EXOC7: variants seen among roughly 807,000 people sequenced by gnomAD.
EXOC7 encodes exocyst complex component Exo70.
EXOC7 carries 51 observed loss-of-function variants against 87.6 expected under a neutral mutation model. That is an observed-to-expected ratio of 0.58 (90% CI 0.46 to 0.73). EXOC7 has a LOEUF of 0.73. Among genes scored for constraint, EXOC7 ranks in the 30% least tolerant of loss-of-function variants. EXOC7 has a pLI of 0.00. For synonymous variants in EXOC7, 327 were observed against 357.1 expected (o/e 0.92, Z 0.95); for missense variants, 744 against 888.4 (o/e 0.84, Z 2.07).
At chr17:76,100,454 C>T (rs2068002658) in intron 4 of EXOC7, among the ~76,000 whole-genome samples, 1 of 151,516 alleles carries the variant, frequency 6.6e-6, no homozygotes, top group Non-Finnish European at 1.5e-5. Flanking sequence ...TGGTGAAATC[C>T]CGTTTCTACT....
Position 76,081,319 on chromosome 17 carries a change from G to A in EXOC7, c.*2329C>T. 2.5e-6 allele frequency: 4 copies of A among 1,614,164 alleles called. No homozygotes were observed. Among genetic ancestry groups the A allele is most frequent in the Non-Finnish European group, 3.4e-6 (4 of 1,180,028 alleles). On this transcript the variant is annotated 3_prime_UTR_variant, in exon 19 of 19. Transcript: ENST00000589210. ...CCAGGCCCACGTGGTGAACGAGATT[G>A]TGAGTGTCAAGAGGGAATACGTAGT...
intron 10 of EXOC7, 139 bp downstream of exon 10, chr17:76,088,325 G>A: frequency 1.0e-6 from 1 of 964,946 alleles, no homozygotes; most frequent in Non-Finnish European, 1.6e-6. Flanking sequence ...GAAGGCACAT[G>A]GGTGCTGACA....
chr17:76,094,378 T>C (rs1238114673), intron 6 of EXOC7, 36 bp downstream of exon 6: 3 of 1,596,382 alleles, frequency 1.9e-6, no homozygotes, highest in South Asian at 1.1e-5. Flanking sequence ...AGTCAGCCTC[T>C]GGCTGTTGCA....
Position 76,089,206 on chromosome 17 carries a change from T to C in EXOC7, c.1016A>G (p.His339Arg). ...QLLADIIPEH[H>R]QKKTFDSLIQ... ...CAGGGAGTCGAAGGTCTTCTTCTGG[T>C]GGTGCTCGGGGATGATGTCGGCCAG... is the stretch of plus-strand genomic sequence containing the variant. The change falls in exon 8 of 19, where the codon CAC becomes CGC. Residue 339 changes from histidine (H) to arginine (R), a missense_variant. Around this residue, in one of 3 missense-constraint regions of EXOC7, gnomAD observed 512 missense variants for 573.0 expected, o/e 0.89. Coordinates refer to ENST00000589210, the MANE Select transcript of EXOC7 (RefSeq NM_001013839.4). The C allele has an allele frequency of 6.2e-7, 1 of 1,613,778 alleles. No individual in the cohort carries two copies. Among genetic ancestry groups the C allele is most frequent in the Non-Finnish European group, 8.5e-7 (1 of 1,179,960 alleles).
chr17:76,098,117 G>T (rs1238521412), intron 4 of EXOC7, 99 bp from the exon 5 acceptor site: 1 of 1,024,648 alleles, frequency 9.8e-7, no homozygotes, highest in East Asian at 2.4e-5. Context: ...TTAACTCAGG[G>T]CCTCTGCCCT....
chr17:76,085,940 T>C (rs2067193431), intron 13 of EXOC7, 140 bp downstream of exon 13: 1 of 1,509,556 alleles, frequency 6.6e-7, no homozygotes, highest in Non-Finnish European at 9.0e-7. Flanking sequence ...GCCTCTGAAC[T>C]AGAGGTCAGG....
rs765075896 is a variant in EXOC7, at chr17:76,082,592, C to T, written c.*1056G>A. 16 of 1,613,458 alleles carry T rather than the reference C, an allele frequency of 9.9e-6. No individual in the cohort carries two copies. The Admixed American group carries it at 1.7e-4, about 17-fold the overall frequency. ...TTTGCAGGAATCTGGATGTGGGCAG[C>T]GTGCAAGTCTGACGCAGCCCCTGGA... On this transcript the variant is annotated 3_prime_UTR_variant, in exon 19 of 19. Transcript: ENST00000589210.
chr17:76,087,628 G>A, intron 12 of EXOC7, 26 bp downstream of exon 12: 1 of 1,548,938 alleles, frequency 6.5e-7, no homozygotes, highest in Non-Finnish European at 8.7e-7. Flanking sequence ...AGTGGGGCAG[G>A]GGGCCCAACT....
At position 76,081,667 on chromosome 17, in the gene EXOC7, C is replaced by A. The variant is rs1042618822; in HGVS notation, c.*1981G>T. ...TCCGGGCCATTGAGCGCATAGGCTA[C>A]AAGGTGACATTGCTGCTGAGTTACC... On this transcript the variant is annotated 3_prime_UTR_variant, in exon 19 of 19. Coordinates refer to ENST00000589210, the MANE Select transcript of EXOC7 (RefSeq NM_001013839.4). 1.9e-6 allele frequency: 3 copies of A among 1,614,148 alleles called. No homozygotes were observed. The highest frequency in any genetic ancestry group is 2.7e-5 in the African/African-American group (2 of 75,064).
chr17:76,081,959 C>T lies in EXOC7; in HGVS notation c.*1689G>A, dbSNP rs749479934. On this transcript the variant is annotated 3_prime_UTR_variant, in exon 19 of 19. Transcript: ENST00000589210. Reference sequence around the variant, plus strand: ...TGTGCTGCTGGCTGGGCTGCTGGCCCGGGGCAACCTTGGGGCCAAGAGCGG... The same window carrying T: ...TGTGCTGCTGGCTGGGCTGCTGGCCTGGGGCAACCTTGGGGCCAAGAGCGG... 70 of 1,612,738 alleles carry T rather than the reference C, an allele frequency of 4.3e-5. No homozygotes were observed. Among genetic ancestry groups the T allele is most frequent in the Middle Eastern group, 1.6e-4 (1 of 6,080 alleles).
intron 3 of EXOC7, 116 bp from the exon 4 acceptor site, chr17:76,101,492 AT>A: frequency 1.4e-6 from 2 of 1,447,590 alleles, no homozygotes; most frequent in Admixed American, 4.5e-5. Context: ...AATATATTCT[AT>A]CCCCCCACTG....
In EXOC7 at chr17:76,103,428, TG is replaced by T. The variant is rs775216746; in HGVS notation, c.61-3del. ...GATGAAGGACAGAGTCTCCTCCTCC[TG>T]GGGGCAGGCAAGGGGAGGACATCAC... On this transcript the variant is annotated splice_region_variant and splice_polypyrimidine_tract_variant and intron_variant, in intron 1 of 18. Coordinates refer to ENST00000589210, the MANE Select transcript of EXOC7 (RefSeq NM_001013839.4). The T allele has an allele frequency of 8.7e-6, 14 of 1,600,132 alleles. No individual in the cohort carries two copies. The highest frequency in any genetic ancestry group is 1.2e-5 in the Non-Finnish European group (14 of 1,173,066).
Position 76,099,096 on chromosome 17 carries a change from AAG to A in EXOC7, c.418-1080_418-1079del, listed in dbSNP as rs545438039. 2.0e-3 allele frequency among the ~76,000 whole-genome samples: 301 copies of A among 152,336 alleles called. 2 individuals carry two copies. Among genetic ancestry groups the A allele is most frequent in the Non-Finnish European group, 2.2e-3 (151 of 68,042 alleles). On this transcript the variant is annotated intron_variant, in intron 4 of 18. Coordinates refer to ENST00000589210, the MANE Select transcript of EXOC7 (RefSeq NM_001013839.4). ...TAAAAGACAGGTATCCCAAACATAAAAGAGAATGAATCTGTCCACACGATGAC... is the reference window on the plus strand; with the variant it reads ...TAAAAGACAGGTATCCCAAACATAAAAGAATGAATCTGTCCACACGATGAC...
chr17:76,088,695 AG>A, intron 9 of EXOC7, 75 bp downstream of exon 9: 2 of 1,604,210 alleles, frequency 1.2e-6, no homozygotes, highest in South Asian at 2.2e-5. Context: ...GGGTTCTCCC[AG>A]GGAGGGATGG....
Position 76,081,645 on chromosome 17 carries a change from G to C in EXOC7, c.*2003C>G, listed in dbSNP as rs776661652. ...GTGTGCGGGGGGTTGCTGCCCCTCC[G>C]GGCCATTGAGCGCATAGGCTACAAG... On this transcript the variant is annotated 3_prime_UTR_variant, in exon 19 of 19. Transcript: ENST00000589210. The C allele has an allele frequency of 1.9e-6, 3 of 1,614,136 alleles. No homozygotes were observed. Among genetic ancestry groups the C allele is most frequent in the Admixed American group, 1.7e-5 (1 of 60,030 alleles).
intron 16 of EXOC7, 24 bp from the exon 17 acceptor site, chr17:76,084,313 G>C (rs1327858901): frequency 6.2e-7 from 1 of 1,613,486 alleles, no homozygotes; most frequent in Non-Finnish European, 8.5e-7. Flanking sequence ...AGAGATAGCA[G>C]AGAAAGCTCA....
intron 7 of EXOC7, chr17:76,090,281 G>A: frequency 6.5e-7 from 1 of 1,539,468 alleles, no homozygotes; most frequent in Admixed American, 2.0e-5. Flanking sequence ...GGGGACCGCT[G>A]CGAAGGCAGT....
In EXOC7 at chr17:76,082,484, G is replaced by C. The variant is rs771439466; in HGVS notation, c.*1164C>G. 52 of 1,612,868 alleles carry C rather than the reference G, an allele frequency of 3.2e-5. No homozygotes were observed. The highest frequency in any genetic ancestry group is 6.7e-5 in the Admixed American group (4 of 59,962). On this transcript the variant is annotated 3_prime_UTR_variant, in exon 19 of 19. Coordinates refer to ENST00000589210, the MANE Select transcript of EXOC7 (RefSeq NM_001013839.4). ...ACAGAGCCCTCCAGAGGAGTAAAGG[G>C]GTCACAGAGAAGCTGGCCTGAGACT...
At position 76,087,843 on chromosome 17, in the gene EXOC7, C is replaced by T. The variant is rs1468941279; in HGVS notation, c.1363-123G>A. 3 of 1,101,280 alleles carry T rather than the reference C, an allele frequency of 2.7e-6. No homozygotes were observed. In the African/African-American group the frequency reaches 4.7e-5, roughly 17 times the overall value. The allele number at this position is 1,101,280 out of a possible 1,614,324, so 68.2% of individuals were successfully genotyped here. ...GGGATCCGCCCAGTGAAGAGCGCGG[C>T]TGGAAACTTCATTTTCACTCTAGCC... On this transcript the variant is annotated intron_variant, in intron 11 of 18. Coordinates refer to ENST00000589210, the MANE Select transcript of EXOC7 (RefSeq NM_001013839.4).
Sources: gnomAD v4.1 joint callset for allele counts (sites outside exome capture counted in the v4.1 genomes callset) on GRCh38, gnomAD v4.1.1 for gene constraint, gnomAD v4.1.1 regional missense constraint, MANE v1.5 for transcripts, NCBI Gene and HGNC (gene_info 2026-07-23, HGNC 2026-07-21) for gene names.